Variants in ILDR2 observed in about 807,000 individuals in gnomAD.
ILDR2 encodes the protein immunoglobulin-like domain-containing receptor 2.
A neutral mutation model predicts 66.8 loss-of-function variants in ILDR2; 25 were observed. The observed-to-expected ratio is 0.37, with a 90% CI of 0.27 to 0.52. The LOEUF is 0.52. Ranked by LOEUF, ILDR2 falls within the 20% of genes least tolerant of loss-of-function variation. The pLI is 0.88. For missense variants in ILDR2, 827 were observed against 876.8 expected (o/e 0.94, Z 0.72); for synonymous variants, 367 against 357.2 (o/e 1.03, Z -0.31).
At chr1:166,900,644 C>T (rs2101812297) in intron 2 of ILDR2, among the ~76,000 whole-genome samples, 1 of 152,258 alleles carries the variant, frequency 6.6e-6, no homozygotes, top group East Asian at 1.9e-4. Context: ...TGGAAAGTGG[C>T]AAAGACGGGA....
chr1:166,948,918 C>T (rs1015042295), intron 3 of ILDR2, among the ~76,000 whole-genome samples: 33 of 152,128 alleles, frequency 2.2e-4, no homozygotes, highest in Admixed American at 1.3e-3. Flanking sequence ...ATAGGTCTTC[C>T]GTGTAAATTT....
intron 3 of ILDR2, among the ~76,000 whole-genome samples, chr1:166,944,980 C>T (rs1017047873): frequency 6.6e-6 from 1 of 152,206 alleles, no homozygotes; most frequent in African/African-American, 2.4e-5. Context: ...ACCCACCCAT[C>T]AGGAACTTGA....
At chr1:166,902,794 T>A (rs1412725450) in intron 2 of ILDR2, among the ~76,000 whole-genome samples, 2 of 152,234 alleles carry the variant, frequency 1.3e-5, no homozygotes, top group African/African-American at 2.4e-5. Context: ...TTTTGTTTGT[T>A]TTGCAGTCAA....
rs959615471 is a variant in ILDR2, at chr1:166,918,062, G to A, written c.*1293C>T. 6.6e-6 allele frequency: 1 copy of A among 152,204 alleles called. No individual in the cohort carries two copies. The highest frequency in any genetic ancestry group is 6.5e-5 in the Admixed American group (1 of 15,282). The allele number at this position is 152,204 out of a possible 1,614,324, so 9.4% of individuals were successfully genotyped here. ...TGGAAAAAAGATGGCACCTCTTGATGAGAAGGAAAGAGTTCGTGGCCATTT... is the reference window on the plus strand; with the variant it reads ...TGGAAAAAAGATGGCACCTCTTGATAAGAAGGAAAGAGTTCGTGGCCATTT... On this transcript the variant is annotated 3_prime_UTR_variant, in exon 10 of 10. Transcript: ENST00000271417.
intron 2 of ILDR2, among the ~76,000 whole-genome samples, chr1:166,896,765 A>G (rs551587229): frequency 6.6e-6 from 1 of 151,378 alleles, no homozygotes; most frequent in Admixed American, 6.6e-5. Flanking sequence ...CCTCCTCAGT[A>G]GCTGGGATTA....
chr1:166,912,218 T>C lies in ILDR2; in HGVS notation c.*7137A>G, dbSNP rs1196204355. On this transcript the variant is annotated 3_prime_UTR_variant, in exon 10 of 10. Transcript: ENST00000271417. ...AGTCAGAAGGGAGTGTAATAATAACTTCAATGTCCTGAAAGAAAATAACTA... is the reference window on the plus strand; with the variant it reads ...AGTCAGAAGGGAGTGTAATAATAACCTCAATGTCCTGAAAGAAAATAACTA... The C allele has an allele frequency of 6.6e-6, 1 of 152,186 alleles. No individual in the cohort carries two copies. Among genetic ancestry groups the C allele is most frequent in the Non-Finnish European group, 1.5e-5 (1 of 68,014 alleles). 9.4% of individuals were successfully genotyped at this position (152,186 alleles called of 1,614,324 possible).
chr1:166,919,957 C>T (rs1203202081), intron 9 of ILDR2, among the ~76,000 whole-genome samples: 2 of 152,110 alleles, frequency 1.3e-5, no homozygotes, highest in Non-Finnish European at 1.5e-5. Context: ...GGGTCAGAGG[C>T]CCTTGGTACC....
chr1:166,899,222 G>A (rs190909576), intron 2 of ILDR2, among the ~76,000 whole-genome samples: 16 of 151,714 alleles, frequency 1.1e-4, no homozygotes, highest in South Asian at 6.2e-4. Flanking sequence ...GTGAAACTCC[G>A]TCTCTACTAA....
At position 166,920,812 on chromosome 1, in the gene ILDR2, G is replaced by C. The variant is rs1659876748; in HGVS notation, c.1779C>G (p.Pro593=). Residue 593 remains proline, a synonymous_variant, in exon 9 of 10, where the codon CCC becomes CCG. Transcript: ENST00000271417. ...QEDASDDALP[P]YSELELTRGP... ...CGCGGGTCAGCTCCAGCTCGCTGTA[G>C]GGCGGCAGCGCGTCGTCGGACGCGT... 1 of 1,528,720 alleles carries C rather than the reference G, an allele frequency of 6.5e-7. No homozygotes were observed. Among genetic ancestry groups the C allele is most frequent in the Non-Finnish European group, 8.8e-7 (1 of 1,140,818 alleles). The allele number at this position is 1,528,720 out of a possible 1,614,324, so 94.7% of individuals were successfully genotyped here.
intron 1 of ILDR2, among the ~76,000 whole-genome samples, chr1:166,970,183 C>A (rs757925478): frequency 3.3e-5 from 5 of 152,174 alleles, no homozygotes; most frequent in African/African-American, 1.2e-4. Flanking sequence ...CCTCACTTTA[C>A]CAGTTCCCAA....
intron 1 of ILDR2, among the ~76,000 whole-genome samples, chr1:166,972,546 A>C (rs1663371448): frequency 6.6e-6 from 1 of 152,268 alleles, no homozygotes; most frequent in African/African-American, 2.4e-5. Flanking sequence ...AGGAAGCAAC[A>C]TCACAATGGC....
chr1:166,920,813 G>A lies in ILDR2; in HGVS notation c.1778C>T (p.Pro593Leu), dbSNP rs1318070188. 6.5e-7 allele frequency: 1 copy of A among 1,528,900 alleles called. No individual in the cohort carries two copies. The allele number at this position is 1,528,900 out of a possible 1,614,324, so 94.7% of individuals were successfully genotyped here. ...QEDASDDALPPYSELELTRGP... is the reference protein window; with the variant it reads ...QEDASDDALPLYSELELTRGP... The stretch of plus-strand genomic sequence containing the variant: ...GCGGGTCAGCTCCAGCTCGCTGTAG[G>A]GCGGCAGCGCGTCGTCGGACGCGTC... Residue 593 changes from proline to leucine, a missense_variant, in exon 9 of 10, where the codon CCC becomes CTC. This residue lies in a region of ILDR2 where 390 missense variants were observed against 353.6 expected (regional missense o/e 1.10). Transcript: ENST00000271417.
rs1230542986 is a variant in ILDR2, at chr1:166,909,766, T to TATAA, written c.*9585_*9588dup. The TATAA allele has an allele frequency of 4.4e-5, 3 of 67,702 alleles. No individual in the cohort carries two copies. Among genetic ancestry groups the TATAA allele is most frequent in the African/African-American group, 2.3e-4 (3 of 13,166 alleles). 4.2% of individuals were successfully genotyped at this position (67,702 alleles called of 1,614,324 possible). On this transcript the variant is annotated 3_prime_UTR_variant, in exon 10 of 10. Transcript: ENST00000271417. ...ATATATATATATATATATAAATATA[T>TATAA]ATAAATATATATATTTATATATATA...
intron 3 of ILDR2, among the ~76,000 whole-genome samples, chr1:166,951,565 C>T (rs978162656): frequency 1.3e-5 from 2 of 152,108 alleles, no homozygotes; most frequent in African/African-American, 2.4e-5. Context: ...TTAGGAGATA[C>T]TTTCTTTTGT....
chr1:166,971,266 ATAGGAGTAAGT>A (rs1663276291), intron 1 of ILDR2, among the ~76,000 whole-genome samples: 2 of 152,242 alleles, frequency 1.3e-5, no homozygotes, highest in East Asian at 1.9e-4. Context: ...CTTCTGGGAC[ATAGGAGTAAGT>A]CACTCACTGA....
chr1:166,955,205 T>A (rs1662204147), intron 3 of ILDR2, among the ~76,000 whole-genome samples: 1 of 152,222 alleles, frequency 6.6e-6, no homozygotes, highest in South Asian at 2.1e-4. Context: ...TTTCCATTCT[T>A]TTACAAGTCA....
chr1:166,961,902 T>C (rs181659885), intron 1 of ILDR2, among the ~76,000 whole-genome samples: 79 of 152,312 alleles, frequency 5.2e-4, no homozygotes, highest in African/African-American at 1.8e-3. Context: ...ACATCACTTA[T>C]GCACCTCCTG....
At chr1:166,899,387 C>T (rs1043070117) in intron 2 of ILDR2, among the ~76,000 whole-genome samples, 2 of 143,760 alleles carry the variant, frequency 1.4e-5, no homozygotes, top group Admixed American at 7.0e-5. Context: ...AATGAGACTC[C>T]ATCTCAAAAA....
chr1:166,933,266 G>A (rs1015411395), intron 6 of ILDR2, among the ~76,000 whole-genome samples: 3 of 152,232 alleles, frequency 2.0e-5, no homozygotes, highest in African/African-American at 7.2e-5. Context: ...AAGTCTGCTG[G>A]AAAAGTTTTT....
Sources: allele counts gnomAD v4.1 joint callset (sites outside exome capture counted in the v4.1 genomes callset), GRCh38; gene constraint gnomAD v4.1.1; regional missense constraint gnomAD v4.1.1; transcripts MANE v1.5; gene names NCBI Gene and HGNC (gene_info 2026-07-23, HGNC 2026-07-21).